The following TP53I13 variants were observed in gnomAD, a reference collection of about 807,000 sequenced individuals.
TP53I13 encodes tumor protein p53-inducible protein 13.
In TP53I13, 27 loss-of-function variants were observed where a neutral mutation model predicts 39.1. The ratio of observed to expected loss-of-function variants is 0.69; its 90% CI spans 0.51 to 0.95. The LOEUF (loss-of-function observed/expected upper bound fraction) is 0.95, where lower values mean the gene tolerates loss of function less well. Among genes scored for constraint, TP53I13 ranks in the 40% least tolerant of loss-of-function variants. The pLI is 0.00. For missense variants in TP53I13, 544 were observed against 520.4 expected (o/e 1.05, Z -0.44); for synonymous variants, 230 against 224.6 (o/e 1.02, Z -0.22).
the TP53I13 span, among the ~76,000 whole-genome samples, chr17:29,579,654 T>C: frequency 6.6e-6 from 1 of 151,970 alleles, no homozygotes; most frequent in Non-Finnish European, 1.5e-5. Context: ...GGAGGATCGT[T>C]TGAGGCTGTG....
chr17:29,567,147 G>GC, upstream of TP53I13: 1 of 261,094 alleles, frequency 3.8e-6, no homozygotes, highest in Non-Finnish European at 6.4e-6. This position sits in a 1 kb window ranked among gnomAD's most constrained non-coding sequence, Gnocchi z 6.6. Context: ...GCCCTCGCCC[G>GC]CCCCCCACCC....
the TP53I13 span, chr17:29,581,634 C>T: frequency 1.2e-5 from 10 of 847,214 alleles, no homozygotes; most frequent in Non-Finnish European, 1.9e-5. The surrounding 1 kb of genome is among the most constrained non-coding windows in gnomAD (Gnocchi z 4.8). Context: ...CAACATTGCT[C>T]CCCAGCCGCT....
the TP53I13 span, chr17:29,578,208 AG>A: frequency 9.4e-7 from 1 of 1,069,222 alleles, no homozygotes; most frequent in South Asian, 1.3e-5. Context: ...CCCCAACCCC[AG>A]GCACCCCTTC....
chr17:29,568,890 G>T lies in TP53I13; in HGVS notation c.72+60G>T, dbSNP rs566141965. On this transcript the variant is annotated intron_variant, in intron 1 of 6. Transcript: ENST00000301057. This position sits in a 1 kb window ranked among gnomAD's most constrained non-coding sequence, Gnocchi z 4.5. ...GCGAGCTCAAAGCGCTTTGCCAAAA[G>T]TTCGTCCTGGAAGGAGTGGCGCGCC... 6.3e-7 allele frequency: 1 copy of T among 1,599,604 alleles called. No homozygotes were observed. The highest frequency in any genetic ancestry group is 1.1e-5 in the South Asian group (1 of 90,794).
Position 29,572,645 on chromosome 17 carries a change from C to T in TP53I13, c.1017C>T (p.Arg339=), listed in dbSNP as rs201688570. The T allele has an allele frequency of 2.1e-3, 3,295 of 1,584,674 alleles. 7 individuals are homozygous for T. Among genetic ancestry groups the T allele is most frequent in the Non-Finnish European group, 2.5e-3 (2,865 of 1,166,372 alleles). The change falls in exon 6 of 7, where the codon CGC becomes CGT. Residue 339 remains arginine (R), a synonymous_variant. Transcript: ENST00000301057. ...LCTRLHRNFR[R]GESIYWGPTA... ...CACGGCTGCACAGAAACTTCCGACG[C>T]GGGGAGAGCATCTACTGGGGGCCCA...
downstream of TP53I13, chr17:29,575,617 CA>C: frequency 6.2e-7 from 1 of 1,609,980 alleles, no homozygotes; most frequent in Non-Finnish European, 8.5e-7. This position sits in a 1 kb window ranked among gnomAD's most constrained non-coding sequence, Gnocchi z 5.5. Context: ...ACTGGAGACC[CA>C]GGGAGCCTCA....
chr17:29,569,048 G>T lies in TP53I13; in HGVS notation c.103G>T (p.Ala35Ser). Residue 35 changes from alanine (A) to serine (S), a missense_variant, in exon 2 of 7, where the codon GCC (alanine) becomes TCC (serine). Coordinates refer to ENST00000301057, the MANE Select transcript of TP53I13 (RefSeq NM_138349.4). ...GGCTGGACCGGCGGAGGAGGCGGGA[G>T]CCCATTGTCCCGAGAGCCTGTGGCC... ...VMAGPAEEAG[A>S]HCPESLWPLP... 1 of 1,607,168 alleles carries T rather than the reference G, an allele frequency of 6.2e-7. No individual in the cohort carries two copies. The highest frequency in any genetic ancestry group is 8.5e-7 in the Non-Finnish European group (1 of 1,177,782).
At chr17:29,578,710 G>C in the TP53I13 span, 1 of 1,607,392 alleles carries the variant, frequency 6.2e-7, no homozygotes, top group Non-Finnish European at 8.5e-7. Context: ...AAGTGTCAGG[G>C]CACTGTTGGA....
At chr17:29,568,648 C>CGCGCGGGCG (rs1162190342), upstream of TP53I13, 199 of 642,046 alleles carry the variant, frequency 3.1e-4, no homozygotes, top group East Asian at 2.1e-3. The surrounding 1 kb of genome is among the most constrained non-coding windows in gnomAD (Gnocchi z 4.5). Flanking sequence ...GGCCAACGGA[C>CGCGCGGGCG]GCGCGGGCGG....
rs551740102 is a variant in TP53I13, at chr17:29,568,996, A to G, written c.73-22A>G. ...GGGCCTCGCCGCGTCCAGCGCCCCAACTCTTCGCTTTGGACCCACAGGTGA... is the reference window on the plus strand; with the variant it reads ...GGGCCTCGCCGCGTCCAGCGCCCCAGCTCTTCGCTTTGGACCCACAGGTGA... On this transcript the variant is annotated intron_variant, in intron 1 of 6. Coordinates refer to ENST00000301057, the MANE Select transcript of TP53I13 (RefSeq NM_138349.4). This position sits in a 1 kb window ranked among gnomAD's most constrained non-coding sequence, Gnocchi z 4.5. 14 of 1,604,888 alleles carry G rather than the reference A, an allele frequency of 8.7e-6. No homozygotes were observed. The highest frequency in any genetic ancestry group is 6.7e-5 in the African/African-American group (5 of 74,772).
the TP53I13 span, among the ~76,000 whole-genome samples, chr17:29,580,095 T>A: frequency 6.6e-6 from 1 of 152,116 alleles, no homozygotes. Context: ...CACTCCCCCA[T>A]GAGGACTAGA....
chr17:29,574,519 C>G (rs769006617), downstream of TP53I13: 13 of 661,668 alleles, frequency 2.0e-5, no homozygotes, highest in South Asian at 1.9e-4. Flanking sequence ...CCTGCCCCCC[C>G]ACCTCCCCAT....
At chr17:29,576,006 C>G (rs2033181523), downstream of TP53I13, 8 of 1,568,166 alleles carry the variant, frequency 5.1e-6, no homozygotes, top group Non-Finnish European at 7.0e-6. Context: ...GCCCCGAATT[C>G]AGCACAGAGC....
downstream of TP53I13, chr17:29,573,522 G>C (rs946835453): frequency 1.3e-5 from 2 of 152,570 alleles, no homozygotes; most frequent in African/African-American, 4.8e-5. Flanking sequence ...GACACGTCTT[G>C]ACAGCCCACC....
At chr17:29,574,484 G>A (rs771274837), downstream of TP53I13, 8 of 617,216 alleles carry the variant, frequency 1.3e-5, no homozygotes, top group South Asian at 3.7e-5. Flanking sequence ...GAGGGGAGGT[G>A]CATGGAATGT....
At chr17:29,568,593 G>C (rs2032787889), upstream of TP53I13, 1 of 206,976 alleles carries the variant, frequency 4.8e-6, no homozygotes, top group Non-Finnish European at 8.5e-6. The surrounding 1 kb of genome is among the most constrained non-coding windows in gnomAD (Gnocchi z 4.5). Context: ...GGGGCGGGGC[G>C]ATACCGGGGG....
At chr17:29,569,426 T>G (rs2150799623) in intron 3 of TP53I13, 67 bp downstream of exon 3, 1 of 1,516,964 alleles carries the variant, frequency 6.6e-7, no homozygotes, top group East Asian at 2.3e-5. Context: ...CTAGCAGGCT[T>G]CGCTGCCTGT....
the TP53I13 span, chr17:29,578,923 C>T: frequency 6.2e-7 from 1 of 1,608,740 alleles, no homozygotes; most frequent in Non-Finnish European, 8.5e-7. Flanking sequence ...CCCGCCCTAC[C>T]CCACCTTCAG....
chr17:29,574,798 G>C (rs1211730947), downstream of TP53I13: 2 of 1,612,768 alleles, frequency 1.2e-6, no homozygotes, highest in Admixed American at 3.3e-5. Flanking sequence ...TCAGCAGCTG[G>C]AAGTCCACTG....
Sources: gnomAD v4.1 joint callset for allele counts (sites outside exome capture counted in the v4.1 genomes callset) on GRCh38, gnomAD v4.1.1 for gene constraint, Gnocchi (gnomAD v3.1) non-coding constraint, MANE v1.5 for transcripts, NCBI Gene and HGNC (gene_info 2026-07-23, HGNC 2026-07-21) for gene names.